The following TJAP1 variants were observed in gnomAD, a reference collection of about 807,000 sequenced individuals.
The protein encoded by TJAP1 is tight junction-associated protein 1.
A neutral mutation model predicts 42.0 loss-of-function variants in TJAP1; 27 were observed. That is an observed-to-expected ratio of 0.64 (90% CI 0.47 to 0.89). The LOEUF (loss-of-function observed/expected upper bound fraction) is 0.89. Among genes scored for constraint, TJAP1 ranks in the 40% least tolerant of loss-of-function variants. The pLI is 0.00. For missense variants in TJAP1, 712 were observed against 726.9 expected (o/e 0.98, Z 0.24); for synonymous variants, 257 against 288.4 (o/e 0.89, Z 1.10).
intron 2 of TJAP1, among the ~76,000 whole-genome samples, chr6:43,485,066 G>A (rs766480107): frequency 6.6e-6 from 1 of 152,224 alleles, no homozygotes; most frequent in East Asian, 1.9e-4. Context: ...TTTGATGATC[G>A]TGATATGCTG....
At chr6:43,482,862 G>A (rs145503285) in intron 2 of TJAP1, among the ~76,000 whole-genome samples, 4 of 152,178 alleles carry the variant, frequency 2.6e-5, no homozygotes, top group Non-Finnish European at 5.9e-5. Context: ...GGTGGCTCAC[G>A]CCTGTAATCC....
At chr6:43,503,566 G>A (rs957808185) in intron 9 of TJAP1, 57 bp from the exon 10 acceptor site, 8 of 1,609,994 alleles carry the variant, frequency 5.0e-6, no homozygotes, top group Admixed American at 3.3e-5. Flanking sequence ...GTCCTGGCTC[G>A]GCCCTGCTTC....
In TJAP1 at chr6:43,492,446, T is replaced by A. The variant is rs1367444300; in HGVS notation, c.-121-5435T>A. On this transcript the variant is annotated intron_variant, in intron 2 of 10. Transcript: ENST00000372449. This position sits in a 1 kb window ranked among gnomAD's most constrained non-coding sequence, Gnocchi z 4.2. ...CTTGTCTTCAGCCCAGAGCAGAACC[T>A]CTGCCCAGTCCCCACCCTATGAGCT... 6.6e-6 allele frequency among the ~76,000 whole-genome samples: 1 copy of A among 152,276 alleles called. No homozygotes were observed. Among genetic ancestry groups the A allele is most frequent in the East Asian group, 1.9e-4 (1 of 5,178 alleles).
intron 2 of TJAP1, among the ~76,000 whole-genome samples, chr6:43,486,424 C>T (rs1235178655): frequency 6.7e-6 from 1 of 148,242 alleles, no homozygotes; most frequent in Non-Finnish European, 1.5e-5. Flanking sequence ...GGCGCGATCC[C>T]TGCTCACTGC....
At chr6:43,479,254 T>G (rs1338998803) in intron 2 of TJAP1, among the ~76,000 whole-genome samples, 1 of 152,194 alleles carries the variant, frequency 6.6e-6, no homozygotes, top group Non-Finnish European at 1.5e-5. Flanking sequence ...CTAGAACTCT[T>G]CATTTACTGT....
chr6:43,503,703 C>T (rs745420584), exon 10 of TJAP1: 11 of 1,614,026 alleles, frequency 6.8e-6, no homozygotes, highest in South Asian at 4.4e-5. Context: ...ACAAGTTTGC[C>T]GATGTGAGTA....
At chr6:43,485,113 T>C (rs1786173885) in intron 2 of TJAP1, among the ~76,000 whole-genome samples, 2 of 152,188 alleles carry the variant, frequency 1.3e-5, no homozygotes, top group South Asian at 4.1e-4. Flanking sequence ...TGGTGGTGGA[T>C]TCGTAATGTA....
chr6:43,494,227 C>G (rs992343802), intron 2 of TJAP1, among the ~76,000 whole-genome samples: 2 of 152,180 alleles, frequency 1.3e-5, no homozygotes, highest in African/African-American at 4.8e-5. Context: ...TCCACCCCAG[C>G]AGATATGAAG....
intron 2 of TJAP1, among the ~76,000 whole-genome samples, chr6:43,484,770 G>A (rs904980456): frequency 6.6e-6 from 1 of 152,170 alleles, no homozygotes; most frequent in Non-Finnish European, 1.5e-5. Context: ...CTGTCATCCA[G>A]GCTGGAGTGC....
chr6:43,503,910 GC>G (rs750306515), intron 10 of TJAP1: 25 of 710,324 alleles, frequency 3.5e-5, no homozygotes, highest in Non-Finnish European at 1.0e-5. Context: ...GTTCTGGGGG[GC>G]CAGCCCTGTT....
At chr6:43,480,970 A>G (rs1785180415) in intron 2 of TJAP1, among the ~76,000 whole-genome samples, 1 of 152,188 alleles carries the variant, frequency 6.6e-6, no homozygotes. Flanking sequence ...TTCTAGCTTC[A>G]GCAGTTGAGC....
chr6:43,496,747 A>G (rs1312257448), intron 2 of TJAP1, among the ~76,000 whole-genome samples: 2 of 152,102 alleles, frequency 1.3e-5, no homozygotes, highest in East Asian at 3.9e-4. Context: ...CTCAACCTCC[A>G]GCTCTGTTTA....
intron 2 of TJAP1, 48 bp from the exon 3 acceptor site, chr6:43,497,833 C>T (rs1204618727): frequency 1.3e-5 from 2 of 152,316 alleles, no homozygotes; most frequent in Non-Finnish European, 2.9e-5. Flanking sequence ...CACTGACAGA[C>T]AGGCGGCTGA....
chr6:43,479,653 G>A (rs961107432), intron 2 of TJAP1, among the ~76,000 whole-genome samples: 11 of 151,964 alleles, frequency 7.2e-5, no homozygotes, highest in African/African-American at 2.7e-4. Flanking sequence ...GGGCAGCGTA[G>A]GAGATGCAGT....
At chr6:43,500,539 A>G in intron 4 of TJAP1, 1 of 589,046 alleles carries the variant, frequency 1.7e-6, no homozygotes, top group East Asian at 2.8e-5. Flanking sequence ...AGGTTCTTGA[A>G]TCTTCTGGTT....
rs1455395907 is a variant in TJAP1 at position 43,491,712 on chromosome 6, A to T, written c.-121-6169A>T. ...GGAAATGAATTTTATTATATGATTA[A>T]TAATAGTGAATGTATGATAGTTGAT... On this transcript the variant is annotated intron_variant, in intron 2 of 10. Coordinates refer to ENST00000372449, the Ensembl canonical transcript of TJAP1. The surrounding 1 kb of genome is among the most constrained non-coding windows in gnomAD (Gnocchi z 4.6). Among the ~76,000 whole-genome samples, 1 of 152,244 alleles carries T rather than the reference A, an allele frequency of 6.6e-6. No homozygotes were observed. The highest frequency in any genetic ancestry group is 1.9e-4 in the East Asian group (1 of 5,204).
At chr6:43,478,444 C>T (rs1784657544) in intron 2 of TJAP1, among the ~76,000 whole-genome samples, 1 of 152,204 alleles carries the variant, frequency 6.6e-6, no homozygotes, top group African/African-American at 2.4e-5. Context: ...GTGCCTTCAC[C>T]TATGCAAGTA....
At position 43,505,009 on chromosome 6, in the gene TJAP1, T is replaced by A; in HGVS notation, c.828T>A (p.Ser276Arg). ...AGGGTGTCCCAGGTGATCCAGCCAG[T>A]CCCCCGGCCCCTGGCAGCCCCACCC... The change falls in exon 11 of 11, where the codon AGT (serine) becomes AGA (arginine). Residue 276 changes from serine to arginine, a missense_variant. By Grantham distance (110) the Ser-to-Arg change is moderately radical. Coordinates refer to ENST00000372449, the Ensembl canonical transcript of TJAP1. The surrounding 1 kb of genome is among the most constrained non-coding windows in gnomAD (Gnocchi z 5.5). 1 of 1,613,836 alleles carries A rather than the reference T, an allele frequency of 6.2e-7. No individual in the cohort carries two copies. Among genetic ancestry groups the A allele is most frequent in the African/African-American group, 1.3e-5 (1 of 74,930 alleles).
At chr6:43,501,656 G>A (rs763823122) in exon 6 of TJAP1, 1 of 1,481,146 alleles carries the variant, frequency 6.8e-7, no homozygotes, top group Admixed American at 1.7e-5. Context: ...GAGCCGCGAG[G>A]AGCTGGACAA....
Sources: allele counts gnomAD v4.1 joint callset (sites outside exome capture counted in the v4.1 genomes callset), GRCh38; gene constraint gnomAD v4.1.1; non-coding constraint Gnocchi (gnomAD v3.1); transcripts MANE v1.5; gene names NCBI Gene and HGNC (gene_info 2026-07-23, HGNC 2026-07-21).